The following FANCC variants were observed in gnomAD, a reference collection of about 807,000 sequenced individuals.
FANCC encodes the protein Fanconi anemia group C protein.
In FANCC, 55 loss-of-function variants were observed where a neutral mutation model predicts 71.3. The ratio of observed to expected loss-of-function variants is 0.77; its 90% confidence interval spans 0.62 to 0.97. The LOEUF is 0.97. Ranked by LOEUF, FANCC falls within the 50% of genes least tolerant of loss-of-function variation. The pLI is 0.00. For missense variants in FANCC, 678 were observed against 670.9 expected (o/e 1.01, Z -0.12); for synonymous variants, 275 against 244.9 (o/e 1.12, Z -1.15).
chr9:95,244,100 T>C (rs902400046), intron 3 of FANCC, among the ~76,000 whole-genome samples: 11 of 152,176 alleles, frequency 7.2e-5, no homozygotes, highest in Non-Finnish European at 1.0e-4. Context: ...CAGATACAAG[T>C]TCAAGGACAC....
chr9:95,110,055 G>A (rs955155560), intron 13 of FANCC, among the ~76,000 whole-genome samples: 1 of 152,162 alleles, frequency 6.6e-6, no homozygotes, highest in African/African-American at 2.4e-5. Flanking sequence ...GTGACAGAAT[G>A]GGGGGAAGGG....
At chr9:95,183,218 T>C (rs759590885) in intron 4 of FANCC, among the ~76,000 whole-genome samples, 1 of 152,348 alleles carries the variant, frequency 6.6e-6, no homozygotes. Flanking sequence ...AGTTCTTGAC[T>C]GGGCAAGATG....
At position 95,293,257 on chromosome 9, in the gene FANCC, C is replaced by T. The variant is rs117437628; in HGVS notation, c.-79+24269G>A. On this transcript the variant is annotated intron_variant, in intron 1 of 14. Transcript: ENST00000289081. The stretch of plus-strand genomic sequence containing the variant: ...CCAAAGTGGCTTTGCTTAAACTACC[C>T]GTGATGCAGTTTTCTCTCATGCCTG... The T allele has an allele frequency of 5.3e-4, 861 of 1,613,268 alleles. 11 individuals are homozygous for T. The East Asian group carries it at 0.017, about 32-fold the overall frequency.
chr9:95,113,109 T>G (rs1564650108), intron 12 of FANCC, among the ~76,000 whole-genome samples: 2 of 152,158 alleles, frequency 1.3e-5, no homozygotes, highest in Non-Finnish European at 2.9e-5. Context: ...GGAGGGTGTG[T>G]GGGGGGCCGA....
chr9:95,314,187 C>CA (rs1318398355), intron 1 of FANCC, among the ~76,000 whole-genome samples: 6 of 152,096 alleles, frequency 3.9e-5, no homozygotes, highest in Non-Finnish European at 5.9e-5. Flanking sequence ...GTGTAATTCA[C>CA]AAAAAACTGG....
intron 1 of FANCC, chr9:95,293,460 C>A: frequency 1.3e-6 from 2 of 1,571,010 alleles, no homozygotes; most frequent in South Asian, 2.4e-5. Context: ...AATTGCTGAT[C>A]CTGTTGCTGT....
chr9:95,264,838 T>C (rs1588384128), intron 1 of FANCC, among the ~76,000 whole-genome samples: 1 of 152,252 alleles, frequency 6.6e-6, no homozygotes, highest in Non-Finnish European at 1.5e-5. Flanking sequence ...ATTAAGAAAT[T>C]TATGTTCAAT....
chr9:95,218,320 C>T (rs1829006586), intron 4 of FANCC, among the ~76,000 whole-genome samples: 2 of 152,098 alleles, frequency 1.3e-5, no homozygotes, highest in East Asian at 1.9e-4. Context: ...TCAAAATTAG[C>T]CAGCTGCAGA....
intron 2 of FANCC, among the ~76,000 whole-genome samples, chr9:95,247,983 T>G (rs1335595785): frequency 2.0e-5 from 3 of 152,208 alleles, no homozygotes; most frequent in Admixed American, 2.0e-4. Flanking sequence ...GGATGAGAAC[T>G]CTGGAACTTG....
At chr9:95,122,098 T>C (rs1188409070) in intron 10 of FANCC, among the ~76,000 whole-genome samples, 1 of 152,086 alleles carries the variant, frequency 6.6e-6, no homozygotes, top group Non-Finnish European at 1.5e-5. Context: ...GACCTTGTGA[T>C]CTGCCTGCCT....
intron 13 of FANCC, among the ~76,000 whole-genome samples, chr9:95,108,468 C>A (rs938348635): frequency 2.0e-5 from 3 of 152,216 alleles, no homozygotes; most frequent in African/African-American, 7.2e-5. Context: ...CGACTTTCTG[C>A]CCTTGTCCAA....
At chr9:95,271,510 G>A (rs1832713996) in intron 1 of FANCC, among the ~76,000 whole-genome samples, 1 of 152,132 alleles carries the variant, frequency 6.6e-6, no homozygotes, top group African/African-American at 2.4e-5. Context: ...CTGGCCGCCA[G>A]AAGTGAGAGG....
chr9:95,228,966 A>G (rs898758222), intron 4 of FANCC, among the ~76,000 whole-genome samples: 1 of 152,160 alleles, frequency 6.6e-6, no homozygotes. Flanking sequence ...TGAATAAGAC[A>G]GGAACCTACC....
At chr9:95,145,593 T>C (rs552353754) in intron 7 of FANCC, 2 of 152,184 alleles carry the variant, frequency 1.3e-5, no homozygotes, top group South Asian at 2.1e-4. Flanking sequence ...ATAACAACCC[T>C]AGTAAAGAAG....
intron 6 of FANCC, among the ~76,000 whole-genome samples, chr9:95,165,537 T>C (rs1177111033): frequency 6.6e-6 from 1 of 152,088 alleles, no homozygotes. Flanking sequence ...TGTAATTTGT[T>C]CTTTGACTCA....
At position 95,111,599 on chromosome 9, in the gene FANCC, A is replaced by G. The variant is rs2134550944; in HGVS notation, c.1193T>C (p.Ile398Thr). ...CATCTCAGCCCATCCTCCGAAGTGAATGAACAGGAACCAGCTCTCAAAGGG... is the reference window on the plus strand; with the variant it reads ...CATCTCAGCCCATCCTCCGAAGTGAGTGAACAGGAACCAGCTCTCAAAGGG... Reference protein sequence around the residue: ...GGPFESWFLFIHFGGWAEMVA... With the variant: ...GGPFESWFLFTHFGGWAEMVA... Residue 398 changes from isoleucine to threonine, a missense_variant, in exon 13 of 15, where the codon ATT (isoleucine) becomes ACT (threonine). Coordinates refer to ENST00000289081, the MANE Select transcript of FANCC (RefSeq NM_000136.3). The G allele has an allele frequency of 6.2e-7, 1 of 1,614,204 alleles. No homozygotes were observed. The highest frequency in any genetic ancestry group is 8.5e-7 in the Non-Finnish European group (1 of 1,180,038).
intron 4 of FANCC, among the ~76,000 whole-genome samples, chr9:95,238,064 C>T (rs1830422173): frequency 6.6e-6 from 1 of 152,176 alleles, no homozygotes; most frequent in Admixed American, 6.5e-5. Context: ...CACTCATTCT[C>T]CGTTGCTTCT....
At chr9:95,152,784 C>T (rs1830255439) in intron 6 of FANCC, among the ~76,000 whole-genome samples, 1 of 151,356 alleles carries the variant, frequency 6.6e-6, no homozygotes, top group Non-Finnish European at 1.5e-5. Flanking sequence ...TACCCCCCAT[C>T]CCACTCTCCT....
intron 6 of FANCC, among the ~76,000 whole-genome samples, chr9:95,160,717 G>T (rs1306164067): frequency 6.6e-6 from 1 of 152,130 alleles, no homozygotes; most frequent in Non-Finnish European, 1.5e-5. Flanking sequence ...GCAGTGGTTT[G>T]TAGTTCTCCT....
Sources: gnomAD v4.1 joint callset for allele counts (sites outside exome capture counted in the v4.1 genomes callset) on GRCh38, gnomAD v4.1.1 for gene constraint, MANE v1.5 for transcripts, NCBI Gene and HGNC (gene_info 2026-07-23, HGNC 2026-07-21) for gene names.